ELAVL2: variants seen among roughly 807,000 people sequenced by gnomAD.
ELAVL2 encodes the protein ELAV-like protein 2.
Under a neutral mutation model 34.6 loss-of-function variants are expected in ELAVL2, and 4 were observed. The ratio of observed to expected loss-of-function variants is 0.12; its 90% CI spans 0.06 to 0.26. The LOEUF (loss-of-function observed/expected upper bound fraction) is 0.26, where lower values mean the gene tolerates loss of function less well. ELAVL2 is among the 10% of genes least tolerant of loss of function. The pLI is 1.00. For missense variants in ELAVL2, 432 were observed against 442.8 expected (o/e 0.98, Z 0.22); for synonymous variants, 193 against 154.8 (o/e 1.25, Z -1.83).
At chr9:23,826,290 C>T (rs1216416873), upstream of ELAVL2, 1 of 152,338 alleles carries the variant, frequency 6.6e-6, no homozygotes, top group Non-Finnish European at 1.5e-5. Flanking sequence ...ATCACCAACC[C>T]CTTCTCTGCC....
chr9:23,766,105 A>G (rs139430298), intron 1 of ELAVL2, among the ~76,000 whole-genome samples: 51 of 152,314 alleles, frequency 3.3e-4, no homozygotes, highest in African/African-American at 1.1e-3. Context: ...TAATTATAAA[A>G]ATTTTATCCT....
the ELAVL2 span, among the ~76,000 whole-genome samples, chr9:23,833,774 G>A: frequency 1.3e-5 from 2 of 151,802 alleles, no homozygotes; most frequent in South Asian, 4.1e-4. Context: ...GTGAGAAATG[G>A]CATATTATAT....
At chr9:23,741,568 T>G in intron 2 of ELAVL2, among the ~76,000 whole-genome samples, 1 of 152,086 alleles carries the variant, frequency 6.6e-6, no homozygotes, top group African/African-American at 2.4e-5. Context: ...GCTTATCTAC[T>G]TAGGCTCTTA....
At position 23,762,199 on chromosome 9, in the gene ELAVL2, A is replaced by G. The variant is rs1253918474; in HGVS notation, c.36T>C (p.Asn12=). The change falls in exon 2 of 7, where the codon AAT becomes AAC. Residue 12 remains asparagine, a synonymous_variant. Transcript: ENST00000397312. ...TGGTGGTTGGACCATTGGCTGTGTT[A>G]TTGCAAGTTGGCCCATTAGACAGTT... is the stretch of plus-strand genomic sequence containing the variant. The part of the protein sequence containing the change: ...ETQLSNGPTC[N]NTANGPTTIN... 1.2e-6 allele frequency: 2 copies of G among 1,613,560 alleles called. No homozygotes were observed. Among genetic ancestry groups the G allele is most frequent in the Admixed American group, 3.3e-5 (2 of 59,984 alleles).
chr9:23,779,645 C>T (rs2058764631), intron 1 of ELAVL2, among the ~76,000 whole-genome samples: 1 of 152,014 alleles, frequency 6.6e-6, no homozygotes, highest in Non-Finnish European at 1.5e-5. Flanking sequence ...ACTCACCATT[C>T]TTTGCTATTC....
chr9:23,723,737 C>A (rs79844275), intron 3 of ELAVL2, among the ~76,000 whole-genome samples: 2 of 152,154 alleles, frequency 1.3e-5, no homozygotes, highest in African/African-American at 4.8e-5. Flanking sequence ...CTTCCTCAGC[C>A]TCCTTATTAT....
At chr9:23,791,986 T>G (rs544128941) in intron 1 of ELAVL2, among the ~76,000 whole-genome samples, 1 of 152,200 alleles carries the variant, frequency 6.6e-6, no homozygotes, top group African/African-American at 2.4e-5. Flanking sequence ...GGTATGCAAA[T>G]AGTCCCCAAC....
chr9:23,730,955 T>C, intron 3 of ELAVL2, 67 bp downstream of exon 3: 1 of 1,433,744 alleles, frequency 7.0e-7, no homozygotes, highest in Non-Finnish European at 9.5e-7. Flanking sequence ...AGGAAAGAAC[T>C]ACAAATAAAT....
chr9:23,766,235 A>G (rs1254041061), intron 1 of ELAVL2, among the ~76,000 whole-genome samples: 2 of 152,140 alleles, frequency 1.3e-5, no homozygotes, highest in East Asian at 1.9e-4. Context: ...AAGCCATGAA[A>G]ATATTTTACT....
chr9:23,759,454 C>T (rs993101704), intron 2 of ELAVL2, among the ~76,000 whole-genome samples: 3 of 151,590 alleles, frequency 2.0e-5, no homozygotes, highest in African/African-American at 4.8e-5. Flanking sequence ...TACAGGGTCA[C>T]TGTTAAAAGA....
chr9:23,707,914 T>C (rs954221686), intron 3 of ELAVL2, among the ~76,000 whole-genome samples: 5 of 152,176 alleles, frequency 3.3e-5, no homozygotes, highest in Non-Finnish European at 7.4e-5. Flanking sequence ...GCAGTGACAT[T>C]CACTGCTTTG....
intron 2 of ELAVL2, among the ~76,000 whole-genome samples, chr9:23,757,697 G>A (rs970027645): frequency 3.3e-5 from 5 of 152,028 alleles, no homozygotes; most frequent in Non-Finnish European, 7.4e-5. Flanking sequence ...CCTATAGATA[G>A]GAAACAGGCT....
At chr9:23,720,357 T>C (rs1227043097) in intron 3 of ELAVL2, among the ~76,000 whole-genome samples, 1 of 151,794 alleles carries the variant, frequency 6.6e-6, no homozygotes, top group African/African-American at 2.4e-5. Context: ...TACTTTTTAG[T>C]AGAGATGGGG....
chr9:23,729,455 G>A (rs1415493526), intron 3 of ELAVL2, among the ~76,000 whole-genome samples: 1 of 152,086 alleles, frequency 6.6e-6, no homozygotes, highest in African/African-American at 2.4e-5. Flanking sequence ...TTACTTAATA[G>A]TACTAGTAAA....
intron 3 of ELAVL2, 99 bp downstream of exon 3, chr9:23,730,923 T>C (rs1001566043): frequency 1.8e-6 from 2 of 1,136,758 alleles, no homozygotes; most frequent in South Asian, 1.7e-5. Context: ...GGTAACTGTT[T>C]ATATGGGCCC....
rs182176600 is a variant in ELAVL2 at position 23,760,803 on chromosome 9, T to C, written c.229+1203A>G. Among the ~76,000 whole-genome samples the C allele has an allele frequency of 1.1e-3, 165 of 152,166 alleles. 1 individual carries two copies. The highest frequency in any genetic ancestry group is 1.9e-3 in the Non-Finnish European group (127 of 67,950). ...AGCTTTTTAACTTGATTTCAGTAAG[T>C]TGTCTCTGTGAATCTCAATCTGTAG... On this transcript the variant is annotated intron_variant, in intron 2 of 6. Coordinates refer to ENST00000397312, the MANE Select transcript of ELAVL2 (RefSeq NM_004432.5).
chr9:23,747,100 C>T (rs12342364), intron 2 of ELAVL2, among the ~76,000 whole-genome samples: 1,598 of 151,796 alleles, frequency 0.011, 24 homozygotes, highest in African/African-American at 0.036. Context: ...TTGGGGGTTA[C>T]AAGACCCTCA....
At chr9:23,694,500 C>G (rs1360571413) in intron 5 of ELAVL2, among the ~76,000 whole-genome samples, 2 of 152,190 alleles carry the variant, frequency 1.3e-5, no homozygotes, top group African/African-American at 4.8e-5. Flanking sequence ...TGCTACAATG[C>G]TCAACACTCT....
intron 3 of ELAVL2, among the ~76,000 whole-genome samples, chr9:23,717,612 A>G (rs924784197): frequency 6.6e-6 from 1 of 152,184 alleles, no homozygotes; most frequent in Admixed American, 6.5e-5. Context: ...TTTCCGCCCA[A>G]TAAAACCTAG....
Sources: gnomAD v4.1 joint callset for allele counts (sites outside exome capture counted in the v4.1 genomes callset) on GRCh38, gnomAD v4.1.1 for gene constraint, MANE v1.5 for transcripts, NCBI Gene and HGNC (gene_info 2026-07-23, HGNC 2026-07-21) for gene names.